Variants in MAEA observed in about 807,000 individuals in gnomAD.
The protein encoded by MAEA is E3 ubiquitin-protein transferase MAEA.
Under a neutral mutation model 46.2 loss-of-function variants are expected in MAEA, and 22 were observed. The observed-to-expected ratio is 0.48, with a 90% CI of 0.34 to 0.68. The LOEUF (loss-of-function observed/expected upper bound fraction) is 0.68, where lower values mean the gene tolerates loss of function less well. MAEA is among the 30% of genes least tolerant of loss of function. The pLI, the probability that MAEA is intolerant of heterozygous loss-of-function variation, is 0.01. For missense variants in MAEA, 393 were observed against 558.1 expected, an observed-to-expected ratio of 0.70 and a Z score of 2.98; for synonymous variants, 246 against 222.6, an observed-to-expected ratio of 1.11 and a Z score of -0.94.
chr4:1,320,616 C>G (rs1737952242), intron 3 of MAEA, among the ~76,000 whole-genome samples: 1 of 149,620 alleles, frequency 6.7e-6, no homozygotes, highest in Non-Finnish European at 1.5e-5. Flanking sequence ...CAAGAAAACG[C>G]TATGGAGGGG....
At chr4:1,296,461 CCCCTCACCCGTGCCTGTGCCT>C (rs1560324937) in intron 1 of MAEA, among the ~76,000 whole-genome samples, 3 of 144,232 alleles carry the variant, frequency 2.1e-5, no homozygotes, top group African/African-American at 5.3e-5. Context: ...TGCCTGTGCC[CCCCTCACCCGTGCCTGTGCCT>C]CCCTCACTTG....
chr4:1,335,482 T>C (rs939388830), intron 6 of MAEA: 1 of 984,780 alleles, frequency 1.0e-6, no homozygotes, highest in African/African-American at 1.8e-5. Flanking sequence ...CCCCACAGTG[T>C]GTTGAAATCA....
At chr4:1,325,341 C>T (rs963381689) in intron 4 of MAEA, among the ~76,000 whole-genome samples, 2 of 152,226 alleles carry the variant, frequency 1.3e-5, no homozygotes, top group Admixed American at 6.5e-5. Flanking sequence ...TCAGTGTGGG[C>T]GCCTGTCGCA....
At chr4:1,312,320 T>C in intron 2 of MAEA, 159 bp downstream of exon 2, 2 of 745,950 alleles carry the variant, frequency 2.7e-6, no homozygotes, top group Non-Finnish European at 2.2e-6. Flanking sequence ...CACTGTCGGC[T>C]GAGCAGGCCA....
intron 3 of MAEA, among the ~76,000 whole-genome samples, chr4:1,320,602 C>T (rs187298739): frequency 6.8e-6 from 1 of 147,728 alleles, no homozygotes; most frequent in Admixed American, 6.8e-5. Flanking sequence ...TCAAAGCAAA[C>T]GTGCAAGAAA....
rs1736571670 is a variant in MAEA, at chr4:1,312,076, A to G, written c.167A>G (p.Lys56Arg). The change falls in exon 2 of 9, where the codon AAG becomes AGG. Residue 56 changes from lysine (K) to arginine (R), a missense_variant. Physicochemically the swap from Lys to Arg is conservative, Grantham distance 26. This residue lies in a region of MAEA where 358 missense variants were observed against 537.9 expected (regional missense o/e 0.67). Coordinates refer to ENST00000303400, the MANE Select transcript of MAEA (RefSeq NM_001017405.3). ...HVTMVVAELE[K>R]TLSGCPAVDS... ...ACCATGGTGGTGGCCGAGCTGGAGA[A>G]GACGTTGAGCGGCTGCCCCGCCGTG... 6.2e-7 allele frequency: 1 copy of G among 1,613,816 alleles called. No homozygotes were observed. The highest frequency in any genetic ancestry group is 8.5e-7 in the Non-Finnish European group (1 of 1,180,054).
In MAEA at chr4:1,315,362, C is replaced by G. The variant is rs367557668; in HGVS notation, c.253-35C>G. 4.4e-6 allele frequency: 7 copies of G among 1,605,298 alleles called. No homozygotes were observed. The African/African-American group carries it at 9.4e-5, about 21-fold the overall frequency. ...CTTGGTGCAGGGCTGCGGGGCATCC[C>G]TGTCCTGAACGTGCCTCTGTTGTGT... On this transcript the variant is annotated intron_variant, in intron 2 of 8. Coordinates refer to ENST00000303400, the MANE Select transcript of MAEA (RefSeq NM_001017405.3).
chr4:1,337,494 T>C (rs1712941526), intron 7 of MAEA: 1 of 194,848 alleles, frequency 5.1e-6, no homozygotes, highest in Non-Finnish European at 1.1e-5. Context: ...CTCACTCGGC[T>C]CCCGCCTGCA....
At chr4:1,317,375 C>CAGGCCCCACACTCCGGACTCATCTGT (rs1737422052) in intron 3 of MAEA, among the ~76,000 whole-genome samples, 4 of 150,938 alleles carry the variant, frequency 2.7e-5, no homozygotes, top group African/African-American at 9.8e-5. Context: ...GACTCATCTG[C>CAGGCCCCACACTCCGGACTCATCTGT]AGGCCCCACA....
chr4:1,312,378 A>G (rs1276059056), intron 2 of MAEA: 4 of 574,840 alleles, frequency 7.0e-6, no homozygotes, highest in East Asian at 3.0e-5. Flanking sequence ...AGGAGTGTCC[A>G]GAGTCCAGGC....
intron 4 of MAEA, 60 bp from the exon 5 acceptor site, chr4:1,327,567 C>A: frequency 7.9e-7 from 1 of 1,268,680 alleles, no homozygotes; most frequent in South Asian, 1.2e-5. Context: ...GGTGCGGCAC[C>A]CGGGCACCTG....
chr4:1,290,549 C>T (rs1733997472), intron 1 of MAEA, among the ~76,000 whole-genome samples: 1 of 152,224 alleles, frequency 6.6e-6, no homozygotes, highest in Non-Finnish European at 1.5e-5. Context: ...CGTCGCACTT[C>T]TTAGAATGAA....
At chr4:1,313,949 G>A (rs560712245) in intron 2 of MAEA, among the ~76,000 whole-genome samples, 148 of 150,340 alleles carry the variant, frequency 9.8e-4, no homozygotes, top group Non-Finnish European at 1.6e-3. Flanking sequence ...CAGGAGAATC[G>A]CTTGAGCCCA....
At chr4:1,327,012 G>A (rs994223934) in intron 4 of MAEA, among the ~76,000 whole-genome samples, 1 of 152,108 alleles carries the variant, frequency 6.6e-6, no homozygotes, top group Non-Finnish European at 1.5e-5. Context: ...GCCGACCTGG[G>A]TCCTGCCTGC....
rs1270729966 is a variant in MAEA, at chr4:1,315,596, T to C, written c.452T>C (p.Ile151Thr). 6.2e-7 allele frequency: 1 copy of C among 1,612,666 alleles called. No homozygotes were observed. The highest frequency in any genetic ancestry group is 1.7e-5 in the Admixed American group (1 of 59,986). ...GTCAAGCTGGCGCGCCAGAGCGGCA[T>C]CGAGGTGGGTGCCCGCCAGACGCAG... ...TAVKLARQSG[I>T]EDLVNIEMFL... The change falls in exon 3 of 9, where the codon ATC becomes ACC. Residue 151 changes from isoleucine to threonine, a missense_variant. Around this residue, in one of 2 missense-constraint regions of MAEA, gnomAD observed 358 missense variants for 537.9 expected, o/e 0.67. Coordinates refer to ENST00000303400, the MANE Select transcript of MAEA (RefSeq NM_001017405.3).
At chr4:1,314,440 G>T (rs1201210136) in intron 2 of MAEA, among the ~76,000 whole-genome samples, 1 of 152,130 alleles carries the variant, frequency 6.6e-6, no homozygotes, top group Admixed American at 6.5e-5. Context: ...AACAGACAAA[G>T]CTAAAGACAG....
chr4:1,313,035 A>G (rs1412940141), intron 2 of MAEA, among the ~76,000 whole-genome samples: 1 of 152,196 alleles, frequency 6.6e-6, no homozygotes, highest in East Asian at 1.9e-4. Context: ...AGTGGGGCCC[A>G]GTGGAGAGAA....
chr4:1,317,721 A>C (rs1414578276), intron 3 of MAEA, among the ~76,000 whole-genome samples: 1 of 152,186 alleles, frequency 6.6e-6, no homozygotes, highest in African/African-American at 2.4e-5. Context: ...ACAAGCGTGA[A>C]TGTGATGTGT....
chr4:1,319,235 C>A (rs1013430027), intron 3 of MAEA, among the ~76,000 whole-genome samples: 2 of 152,034 alleles, frequency 1.3e-5, no homozygotes, highest in African/African-American at 4.8e-5. Flanking sequence ...TGCCTGGGGT[C>A]CCAGCTACTC....
Sources: gnomAD v4.1 joint callset for allele counts (sites outside exome capture counted in the v4.1 genomes callset) on GRCh38, gnomAD v4.1.1 for gene constraint, gnomAD v4.1.1 regional missense constraint, MANE v1.5 for transcripts, NCBI Gene and HGNC (gene_info 2026-07-23, HGNC 2026-07-21) for gene names.